ATF7IP2: variants seen among roughly 807,000 people sequenced by gnomAD.
ATF7IP2 encodes activating transcription factor 7 interacting protein 2, also known as activating transcription factor 7-interacting protein 2.
In ATF7IP2, 42 loss-of-function variants were observed where a neutral mutation model predicts 64.2. The observed-to-expected ratio is 0.65, with a 90% confidence interval of 0.51 to 0.85. The LOEUF is 0.85. Among genes scored for constraint, ATF7IP2 ranks in the 40% least tolerant of loss-of-function variants. The probability of loss-of-function intolerance (pLI) is 0.00; values close to 1 mark genes in which losing one functional copy is unlikely to be tolerated. For synonymous variants in ATF7IP2, 308 were observed against 272.8 expected, an observed-to-expected ratio of 1.13 and a Z score of -1.27; for missense variants, 933 against 784.2, an observed-to-expected ratio of 1.19 and a Z score of -2.27.
intron 9 of ATF7IP2, among the ~76,000 whole-genome samples, chr16:10,467,313 A>C (rs1173769631): frequency 6.6e-6 from 1 of 152,178 alleles, no homozygotes; most frequent in African/African-American, 2.4e-5. Flanking sequence ...TCAGTTTCTT[A>C]TACTCTCAAA....
chr16:10,431,461 T>G lies in ATF7IP2; in HGVS notation c.835+6T>G. 1 of 1,541,472 alleles carries G rather than the reference T, an allele frequency of 6.5e-7. No homozygotes were observed. Among genetic ancestry groups the G allele is most frequent in the Non-Finnish European group, 8.8e-7 (1 of 1,134,388 alleles). On this transcript the variant is annotated splice_donor_region_variant and intron_variant, in intron 5 of 13. Transcript: ENST00000562102. ...ACTTGACACTAATAACAACAGTAAG[T>G]ATATACTTATGCACCTTTTAGAAAA...
rs371647023 is a variant in ATF7IP2 at position 10,438,191 on chromosome 16, A to G, written c.1051A>G (p.Thr351Ala). ...LKELNQRIGK[T>A]ECRNKHEGIA... ...AGAATTGAACCAACGCATTGGGAAG[A>G]CAGAGTGCAGAAATAAGCATGAAGG... Residue 351 changes from threonine (T) to alanine (A), a missense_variant, in exon 7 of 14, where the codon ACA becomes GCA. Transcript: ENST00000562102. 5 of 1,606,372 alleles carry G rather than the reference A, an allele frequency of 3.1e-6. No homozygotes were observed. The African/African-American group carries it at 6.7e-5, about 22-fold the overall frequency.
At position 10,431,365 on chromosome 16, in the gene ATF7IP2, T is replaced by C. The variant is rs1375094487; in HGVS notation, c.745T>C (p.Leu249=). The C allele has an allele frequency of 3.7e-6, 6 of 1,614,068 alleles. No homozygotes were observed. In the African/African-American group the frequency reaches 8.0e-5, roughly 22 times the overall value. ...VTSNNCADDI[L]KTDECSRTSI... Reference sequence around the variant, plus strand: ...TTCTAACAACTGTGCTGATGACATTTTGAAAACTGATGAGTGTAGTAGAAC... The same window carrying C: ...TTCTAACAACTGTGCTGATGACATTCTGAAAACTGATGAGTGTAGTAGAAC... Residue 249 remains leucine, a synonymous_variant, in exon 5 of 14, where the codon TTG becomes CTG. Coordinates refer to ENST00000562102, the MANE Select transcript of ATF7IP2 (RefSeq NM_001393719.1).
chr16:10,399,860 T>G lies in ATF7IP2; in HGVS notation c.-242+13738T>G, dbSNP rs76957153. On this transcript the variant is annotated intron_variant, in intron 1 of 13. Transcript: ENST00000562102. ...CATTTGTGTCAGCTACAATTTCTTT[T>G]GTCAGTGTTTTATAGTTTTTCTTGT... Among the ~76,000 whole-genome samples the G allele has an allele frequency of 1.4e-3, 216 of 152,322 alleles. 2 individuals are homozygous for G. Among genetic ancestry groups the G allele is most frequent in the African/African-American group, 5.1e-3 (211 of 41,564 alleles).
rs556536127 is a variant in ATF7IP2 at position 10,439,037 on chromosome 16, G to A, written c.1095+802G>A. 1.1e-4 allele frequency among the ~76,000 whole-genome samples: 12 copies of A among 107,710 alleles called. No homozygotes were observed. The South Asian group carries it at 2.5e-3, about 23-fold the overall frequency. 70.7% of individuals were successfully genotyped at this position (107,710 alleles called of 152,430 possible). ...CACTGCACTCCAGTCTGCCGACAGC[G>A]AGACTCCATCTCAAAAAAAAAAAAA... is the stretch of plus-strand genomic sequence containing the variant. On this transcript the variant is annotated intron_variant, in intron 7 of 13. Coordinates refer to ENST00000562102, the MANE Select transcript of ATF7IP2 (RefSeq NM_001393719.1).
At chr16:10,440,557 G>T in intron 8 of ATF7IP2, 95 bp downstream of exon 8, 2 of 735,814 alleles carry the variant, frequency 2.7e-6, no homozygotes, top group Non-Finnish European at 4.3e-6. Context: ...TAGGACAGAA[G>T]GTGTAAAGGT....
At chr16:10,474,228 T>G (rs2049920199) in intron 12 of ATF7IP2, among the ~76,000 whole-genome samples, 1 of 152,224 alleles carries the variant, frequency 6.6e-6, no homozygotes, top group East Asian at 1.9e-4. Context: ...GCCACCAATC[T>G]GTTCTGTACT....
chr16:10,448,841 C>G (rs1055214507), intron 8 of ATF7IP2: 2 of 152,220 alleles, frequency 1.3e-5, no homozygotes, highest in South Asian at 4.1e-4. Context: ...ACTTCCAATA[C>G]TATGTTGAAT....
intron 12 of ATF7IP2, among the ~76,000 whole-genome samples, chr16:10,475,565 C>T (rs917931757): frequency 3.3e-5 from 5 of 151,436 alleles, no homozygotes; most frequent in Middle Eastern, 3.4e-3. Context: ...TGGTGGCGGG[C>T]ACCTGTAGTC....
At position 10,386,073 on chromosome 16, in the gene ATF7IP2, G is replaced by A. The variant is rs1159496890; in HGVS notation, c.-291G>A. ...CCGGACCAGCATTGTTAACGGCTGC[G>A]GTTCGAAGTGGCTGTGGGTATTGCT... On this transcript the variant is annotated 5_prime_UTR_variant, in exon 1 of 14. Transcript: ENST00000562102. The A allele has an allele frequency of 6.6e-6, 1 of 152,648 alleles. No homozygotes were observed. The highest frequency in any genetic ancestry group is 2.4e-5 in the African/African-American group (1 of 41,470). 9.5% of individuals were successfully genotyped at this position (152,648 alleles called of 1,614,324 possible).
intron 1 of ATF7IP2, among the ~76,000 whole-genome samples, chr16:10,389,168 A>G (rs1458714779): frequency 6.6e-6 from 1 of 152,128 alleles, no homozygotes; most frequent in Non-Finnish European, 1.5e-5. Flanking sequence ...TTGGAAAGTG[A>G]AGGTTAGGTT....
At chr16:10,386,593 G>A (rs1042001897) in intron 1 of ATF7IP2, 4 of 152,112 alleles carry the variant, frequency 2.6e-5, no homozygotes, top group Admixed American at 6.6e-5. Flanking sequence ...GAAGGCAACT[G>A]GATCTCGCCT....
chr16:10,412,557 A>G (rs1596460645), intron 1 of ATF7IP2, among the ~76,000 whole-genome samples: 1 of 152,020 alleles, frequency 6.6e-6, no homozygotes, highest in African/African-American at 2.4e-5. Context: ...TATAATTTCA[A>G]TTTTATTAAA....
intron 12 of ATF7IP2, among the ~76,000 whole-genome samples, chr16:10,474,322 C>T (rs749813727): frequency 8.0e-6 from 1 of 124,636 alleles, no homozygotes; most frequent in Admixed American, 8.4e-5. Context: ...GGGTCATCCA[C>T]ATTCTTGTGT....
At chr16:10,432,484 A>G (rs1009896329) in intron 5 of ATF7IP2, among the ~76,000 whole-genome samples, 2 of 152,108 alleles carry the variant, frequency 1.3e-5, no homozygotes, top group Non-Finnish European at 2.9e-5. Flanking sequence ...TCATGCCTGT[A>G]ATTAACAGCA....
chr16:10,444,887 A>T (rs1170634097), intron 8 of ATF7IP2, among the ~76,000 whole-genome samples: 1 of 152,208 alleles, frequency 6.6e-6, no homozygotes, highest in African/African-American at 2.4e-5. Flanking sequence ...TAACTACATT[A>T]TTAGCAGTTG....
Position 10,430,998 on chromosome 16 carries a change from C to G in ATF7IP2, c.378C>G (p.Pro126=). ...YQKPSRTTES[P]SRVFTEEAKD... ...AGCCAAGTAGAACAACAGAATCCCCCAGCAGAGTCTTCACAGAAGAGGCAA... is the reference window on the plus strand; with the variant it reads ...AGCCAAGTAGAACAACAGAATCCCCGAGCAGAGTCTTCACAGAAGAGGCAA... The change falls in exon 5 of 14, where the codon CCC becomes CCG. Residue 126 remains proline (P), a synonymous_variant. Coordinates refer to ENST00000562102, the MANE Select transcript of ATF7IP2 (RefSeq NM_001393719.1). The G allele has an allele frequency of 6.2e-7, 1 of 1,614,162 alleles. No homozygotes were observed. Among genetic ancestry groups the G allele is most frequent in the South Asian group, 1.1e-5 (1 of 91,080 alleles).
chr16:10,412,218 T>C (rs1056380994), intron 1 of ATF7IP2, among the ~76,000 whole-genome samples: 16 of 151,830 alleles, frequency 1.1e-4, no homozygotes, highest in African/African-American at 3.9e-4. Flanking sequence ...TTGTGCTGTG[T>C]TTGGGTTTGG....
intron 1 of ATF7IP2, among the ~76,000 whole-genome samples, chr16:10,401,646 T>C (rs193270421): frequency 2.0e-5 from 3 of 152,148 alleles, no homozygotes; most frequent in Non-Finnish European, 2.9e-5. Flanking sequence ...CCCTCCTTTT[T>C]TTTCCCTCTT....
Sources: allele counts gnomAD v4.1 joint callset (sites outside exome capture counted in the v4.1 genomes callset), GRCh38; gene constraint gnomAD v4.1.1; transcripts MANE v1.5; gene names NCBI Gene and HGNC (gene_info 2026-07-23, HGNC 2026-07-21).